The following PITPNB variants were observed in gnomAD, a reference collection of about 807,000 sequenced individuals.
PITPNB encodes the protein phosphatidylinositol transfer protein beta isoform.
A neutral mutation model predicts 45.9 loss-of-function variants in PITPNB; 16 were observed. That is an observed-to-expected ratio of 0.35 (90% confidence interval 0.24 to 0.53). The LOEUF is 0.53. Ranked by LOEUF, PITPNB falls within the 20% of genes least tolerant of loss-of-function variation. PITPNB has a pLI of 0.93. For synonymous variants in PITPNB, 112 were observed against 108.9 expected (o/e 1.03, Z -0.18); for missense variants, 188 against 330.5 (o/e 0.57, Z 3.34).
At chr22:27,900,047 C>T (rs1480844493) in intron 3 of PITPNB, among the ~76,000 whole-genome samples, 2 of 151,740 alleles carry the variant, frequency 1.3e-5, no homozygotes, top group African/African-American at 4.8e-5. Flanking sequence ...ACTAAAAATA[C>T]AAAAAATTAG....
At chr22:27,897,542 C>CT (rs1935470522) in intron 4 of PITPNB, among the ~76,000 whole-genome samples, 1 of 152,160 alleles carries the variant, frequency 6.6e-6, no homozygotes, top group African/African-American at 2.4e-5. Context: ...AACGACCTTT[C>CT]TTTTGGCTTA....
chr22:27,911,704 TC>T (rs1372728426), intron 2 of PITPNB, among the ~76,000 whole-genome samples: 9 of 152,222 alleles, frequency 5.9e-5, no homozygotes, highest in South Asian at 2.1e-4. Flanking sequence ...ATTTGGTCCT[TC>T]TTCAGCTAAC....
intron 3 of PITPNB, among the ~76,000 whole-genome samples, chr22:27,902,380 G>A (rs1472847890): frequency 3.9e-5 from 6 of 152,126 alleles, no homozygotes; most frequent in Non-Finnish European, 8.8e-5. Context: ...CACCTTATAC[G>A]TCACAGAGTT....
intron 1 of PITPNB, among the ~76,000 whole-genome samples, chr22:27,914,680 G>C (rs1218554155): frequency 6.6e-6 from 1 of 152,146 alleles, no homozygotes; most frequent in East Asian, 1.9e-4. Context: ...CAGATTGTCT[G>C]GTCAGGTTGC....
chr22:27,854,550 C>G (rs1024154460), intron 11 of PITPNB, among the ~76,000 whole-genome samples: 26 of 152,236 alleles, frequency 1.7e-4, no homozygotes, highest in Admixed American at 1.0e-3. Context: ...TCAATTAACT[C>G]AGTATTGAAA....
intron 6 of PITPNB, among the ~76,000 whole-genome samples, chr22:27,895,993 T>A (rs1455070304): frequency 6.6e-6 from 1 of 152,244 alleles, no homozygotes; most frequent in African/African-American, 2.4e-5. Context: ...CAAAAGTTAA[T>A]GATTACATTT....
Position 27,894,755 on chromosome 22 carries a change from A to C in PITPNB, c.373-117T>G, listed in dbSNP as rs1020699085. 10 of 521,914 alleles carry C rather than the reference A, an allele frequency of 1.9e-5. No individual in the cohort carries two copies. The South Asian group carries it at 3.3e-4, about 17-fold the overall frequency. 32.3% of individuals were successfully genotyped at this position (521,914 alleles called of 1,614,324 possible). ...ACATTATAGGGAATTAAAAGACCCA[A>C]ATTATTATTTCATTATATTAGCTGT... On this transcript the variant is annotated intron_variant, in intron 6 of 11. Transcript: ENST00000335272.
chr22:27,911,551 G>C (rs1935922665), intron 2 of PITPNB, among the ~76,000 whole-genome samples: 1 of 152,206 alleles, frequency 6.6e-6, no homozygotes, highest in South Asian at 2.1e-4. Context: ...TGAGCAACCA[G>C]CATATTGCTC....
At chr22:27,911,226 A>T in intron 2 of PITPNB, 117 bp from the exon 3 acceptor site, 1 of 632,216 alleles carries the variant, frequency 1.6e-6, no homozygotes, top group Admixed American at 2.7e-5. Context: ...CATTCAGCAC[A>T]ACTGTGTTCA....
intron 3 of PITPNB, among the ~76,000 whole-genome samples, chr22:27,900,868 C>A (rs1935572054): frequency 6.6e-6 from 1 of 152,120 alleles, no homozygotes; most frequent in African/African-American, 2.4e-5. Context: ...CCGAAAAGAA[C>A]AATTATTAAC....
intron 8 of PITPNB, among the ~76,000 whole-genome samples, chr22:27,869,256 T>C (rs763300555): frequency 6.6e-6 from 1 of 152,110 alleles, no homozygotes; most frequent in Non-Finnish European, 1.5e-5. Context: ...GTAACAAAAA[T>C]ATAATTTCTG....
intron 8 of PITPNB, among the ~76,000 whole-genome samples, chr22:27,861,978 T>C (rs1934348451): frequency 6.6e-6 from 1 of 152,188 alleles, no homozygotes; most frequent in African/African-American, 2.4e-5. Context: ...CGGGGACCCC[T>C]TTTATAAAAA....
intron 7 of PITPNB, among the ~76,000 whole-genome samples, chr22:27,882,284 G>A (rs1196884688): frequency 2.0e-5 from 3 of 152,030 alleles, no homozygotes; most frequent in Non-Finnish European, 4.4e-5. Context: ...ATTAAGAAGT[G>A]TCAGATTGCT....
chr22:27,861,262 T>C (rs1474661479), intron 8 of PITPNB, among the ~76,000 whole-genome samples: 1 of 151,888 alleles, frequency 6.6e-6, no homozygotes, highest in African/African-American at 2.4e-5. Flanking sequence ...GGTCACATCA[T>C]TGCCCTCCAG....
chr22:27,859,805 C>G (rs1318165795), intron 9 of PITPNB, among the ~76,000 whole-genome samples: 1 of 152,214 alleles, frequency 6.6e-6, no homozygotes, highest in Non-Finnish European at 1.5e-5. Context: ...CGCTCTCTCC[C>G]TCCAGTCAGG....
At chr22:27,886,217 T>A (rs2146386118) in intron 7 of PITPNB, among the ~76,000 whole-genome samples, 1 of 152,328 alleles carries the variant, frequency 6.6e-6, no homozygotes, top group Middle Eastern at 3.4e-3. Flanking sequence ...CAAAAGATAC[T>A]AAGTGAGGAC....
chr22:27,877,595 A>G (rs895945288), intron 7 of PITPNB, among the ~76,000 whole-genome samples: 1 of 152,232 alleles, frequency 6.6e-6, no homozygotes, highest in Non-Finnish European at 1.5e-5. Flanking sequence ...GAAACTCTCA[A>G]TAGAAACCGG....
At position 27,911,128 on chromosome 22, in the gene PITPNB, C is replaced by T; in HGVS notation, c.52-19G>A. The stretch of plus-strand genomic sequence containing the variant: ...CCTGATACTGAAATTTCAAAGAATA[C>T]AGAAACTGAGTAAGTCAGTAGTAAC... On this transcript the variant is annotated intron_variant, in intron 2 of 11. Transcript: ENST00000335272. The T allele has an allele frequency of 6.2e-7, 1 of 1,603,516 alleles. No individual in the cohort carries two copies. Among genetic ancestry groups the T allele is most frequent in the Non-Finnish European group, 8.5e-7 (1 of 1,170,880 alleles).
intron 7 of PITPNB, among the ~76,000 whole-genome samples, chr22:27,880,542 A>C (rs1420782521): frequency 6.6e-6 from 1 of 152,154 alleles, no homozygotes; most frequent in Admixed American, 6.5e-5. Context: ...CTTTTAAAAC[A>C]TGGAAGAAAT....
Sources: gnomAD v4.1 joint callset for allele counts (sites outside exome capture counted in the v4.1 genomes callset) on GRCh38, gnomAD v4.1.1 for gene constraint, MANE v1.5 for transcripts, NCBI Gene and HGNC (gene_info 2026-07-23, HGNC 2026-07-21) for gene names.